The following PDE7B variants were observed in gnomAD, a reference collection of about 807,000 sequenced individuals.
The protein encoded by PDE7B is 3',5'-cyclic-AMP phosphodiesterase 7B.
Under a neutral mutation model 56.2 loss-of-function variants are expected in PDE7B, and 29 were observed. That is an observed-to-expected ratio of 0.52 (90% CI 0.38 to 0.70). PDE7B has a LOEUF of 0.70. Among genes scored for constraint, PDE7B ranks in the 30% least tolerant of loss-of-function variants. The probability of loss-of-function intolerance (pLI) is 0.00; values close to 1 mark genes in which losing one functional copy is unlikely to be tolerated. For synonymous variants in PDE7B, 197 were observed against 196.9 expected (o/e 1.00, Z 0.00); for missense variants, 490 against 565.0 (o/e 0.87, Z 1.35).
chr6:136,152,521 A>C (rs532587112), intron 6 of PDE7B, among the ~76,000 whole-genome samples: 3 of 152,340 alleles, frequency 2.0e-5, no homozygotes, highest in Admixed American at 2.0e-4. Flanking sequence ...AAGTGGCAGA[A>C]TATGAGCCCA....
intron 7 of PDE7B, among the ~76,000 whole-genome samples, chr6:136,154,416 CAAAAA>C (rs5880284): frequency 8.0e-6 from 1 of 124,452 alleles, no homozygotes; most frequent in Non-Finnish European, 1.8e-5. Flanking sequence ...TGTATTTGGA[CAAAAA>C]AAAAAAAAAA....
At chr6:135,958,629 C>T (rs1161008324) in intron 2 of PDE7B, among the ~76,000 whole-genome samples, 4 of 152,146 alleles carry the variant, frequency 2.6e-5, no homozygotes, top group Non-Finnish European at 5.9e-5. Context: ...ACGTGTATTA[C>T]AAAGGATGCA....
intron 1 of PDE7B, among the ~76,000 whole-genome samples, chr6:135,905,196 A>G (rs1776075531): frequency 6.6e-6 from 1 of 152,236 alleles, no homozygotes; most frequent in African/African-American, 2.4e-5. Context: ...ACCAAGTGCC[A>G]CTAACATATT....
At chr6:135,986,586 C>G (rs979564569) in intron 2 of PDE7B, among the ~76,000 whole-genome samples, 1 of 152,184 alleles carries the variant, frequency 6.6e-6, no homozygotes, top group African/African-American at 2.4e-5. Flanking sequence ...GTATGCTGTT[C>G]ACATTTCGAT....
chr6:135,957,904 C>T (rs1774826231), intron 2 of PDE7B, among the ~76,000 whole-genome samples: 1 of 152,046 alleles, frequency 6.6e-6, no homozygotes, highest in Non-Finnish European at 1.5e-5. Flanking sequence ...CAAATGTCCC[C>T]TGAGCTGGGC....
chr6:136,175,962 C>T (rs1351479788), intron 9 of PDE7B, among the ~76,000 whole-genome samples: 1 of 151,938 alleles, frequency 6.6e-6, no homozygotes, highest in East Asian at 1.9e-4. Flanking sequence ...AAAATATTTG[C>T]AAATTTGACA....
intron 2 of PDE7B, among the ~76,000 whole-genome samples, chr6:136,101,841 T>G (rs1184472355): frequency 2.6e-5 from 4 of 152,224 alleles, no homozygotes; most frequent in African/African-American, 9.6e-5. Flanking sequence ...CCTGTTGTCC[T>G]GGGCTTATAA....
At chr6:135,968,152 TAACTC>T (rs1254658191) in intron 2 of PDE7B, among the ~76,000 whole-genome samples, 1 of 152,122 alleles carries the variant, frequency 6.6e-6, no homozygotes, top group Admixed American at 6.5e-5. Flanking sequence ...ATGCAAAAAT[TAACTC>T]AAGATAGATT....
Position 135,927,066 on chromosome 6 carries a change from C to A in PDE7B, c.22-20398C>A, listed in dbSNP as rs79509951. Among the ~76,000 whole-genome samples, 252 of 152,308 alleles carry A rather than the reference C, an allele frequency of 1.7e-3. 3 individuals are homozygous for A. The East Asian group carries it at 0.03, about 18-fold the overall frequency. On this transcript the variant is annotated intron_variant, in intron 1 of 12. Coordinates refer to ENST00000308191, the MANE Select transcript of PDE7B (RefSeq NM_018945.4). The stretch of plus-strand genomic sequence containing the variant: ...ACTTGTTAGCATATAGTTTAATGAG[C>A]TTTTTCTGGAGAAAATGCGTTTCTT...
chr6:136,098,149 A>G (rs1049015212), intron 2 of PDE7B: 1 of 135,468 alleles, frequency 7.4e-6, no homozygotes, highest in African/African-American at 2.7e-5. Context: ...GGGGGGGGGA[A>G]ATATATGTAT....
intron 2 of PDE7B, among the ~76,000 whole-genome samples, chr6:135,975,920 G>T (rs1775178883): frequency 6.6e-6 from 1 of 152,110 alleles, no homozygotes; most frequent in Non-Finnish European, 1.5e-5. Flanking sequence ...TCTCCAACCA[G>T]GCCATGGAGT....
intron 1 of PDE7B, among the ~76,000 whole-genome samples, chr6:135,889,763 T>C (rs1775776906): frequency 7.2e-6 from 1 of 138,960 alleles, no homozygotes; most frequent in South Asian, 2.4e-4. Flanking sequence ...TTTTTTTTTT[T>C]TTTTTTTTTT....
chr6:136,090,852 A>G (rs74299319), intron 2 of PDE7B, among the ~76,000 whole-genome samples: 3 of 152,100 alleles, frequency 2.0e-5, no homozygotes, highest in African/African-American at 7.2e-5. Flanking sequence ...CTTTATGCCA[A>G]CCTCTAAGAA....
Position 135,851,752 on chromosome 6 carries a change from G to C in PDE7B, c.-247G>C. 1 of 486,140 alleles carries C rather than the reference G, an allele frequency of 2.1e-6. No homozygotes were observed. Among genetic ancestry groups the C allele is most frequent in the Admixed American group, 3.5e-5 (1 of 28,532 alleles). 30.1% of individuals were successfully genotyped at this position (486,140 alleles called of 1,614,324 possible). A position where few individuals can be genotyped will look rare whatever the true frequency, so the allele number is the denominator to read the frequency against. On this transcript the variant is annotated 5_prime_UTR_variant, in exon 1 of 13. Coordinates refer to ENST00000308191, the MANE Select transcript of PDE7B (RefSeq NM_018945.4). The stretch of plus-strand genomic sequence containing the variant: ...CGGCTCTGTCCCAGCACTTGTCTGG[G>C]AGAAAAGTGGTGTTACTCACCCAGG...
chr6:136,095,804 T>C (rs1777462131), intron 2 of PDE7B: 2 of 152,208 alleles, frequency 1.3e-5, no homozygotes, highest in South Asian at 4.1e-4. Context: ...ATGATATTGA[T>C]AATAGCACTG....
At chr6:135,869,511 C>T (rs935811492) in intron 1 of PDE7B, among the ~76,000 whole-genome samples, 1 of 151,948 alleles carries the variant, frequency 6.6e-6, no homozygotes, top group Non-Finnish European at 1.5e-5. Flanking sequence ...TATTTGGGGC[C>T]CTAGTATGGT....
intron 2 of PDE7B, among the ~76,000 whole-genome samples, chr6:136,007,970 C>T (rs556448531): frequency 2.3e-4 from 35 of 151,810 alleles, no homozygotes; most frequent in Non-Finnish European, 4.6e-4. Context: ...TCTCCTAATG[C>T]TATCCCTCCC....
intron 2 of PDE7B, chr6:136,038,570 T>C: frequency 4.1e-6 from 5 of 1,230,208 alleles, no homozygotes; most frequent in Non-Finnish European, 5.2e-6. Context: ...GGACCAAGTC[T>C]GATAACTAAC....
chr6:136,152,350 A>G (rs1004181450), intron 6 of PDE7B, among the ~76,000 whole-genome samples: 3 of 152,170 alleles, frequency 2.0e-5, no homozygotes, highest in Non-Finnish European at 2.9e-5. Flanking sequence ...AATAATAATA[A>G]CTACCATTTA....
Sources: allele counts gnomAD v4.1 joint callset (sites outside exome capture counted in the v4.1 genomes callset), GRCh38; gene constraint gnomAD v4.1.1; transcripts MANE v1.5; gene names NCBI Gene and HGNC (gene_info 2026-07-23, HGNC 2026-07-21).